The following LDLRAD3 variants were observed in gnomAD, a reference collection of about 807,000 sequenced individuals.
The protein encoded by LDLRAD3 is low density lipoprotein receptor class A domain containing 3, also known as low-density lipoprotein receptor class A domain-containing protein 3.
Under a neutral mutation model 29.4 loss-of-function variants are expected in LDLRAD3, and 20 were observed. That is an observed-to-expected ratio of 0.68 (90% CI 0.48 to 0.99). LDLRAD3 has a LOEUF of 0.99. Among genes scored for constraint, LDLRAD3 ranks in the 50% least tolerant of loss-of-function variants. The probability of loss-of-function intolerance (pLI) is 0.00; values close to 1 mark genes in which losing one functional copy is unlikely to be tolerated. For missense variants in LDLRAD3, 420 were observed against 454.3 expected (o/e 0.92, Z 0.69); for synonymous variants, 157 against 192.7 (o/e 0.81, Z 1.53).
intron 3 of LDLRAD3, among the ~76,000 whole-genome samples, chr11:36,096,897 T>TTAA (rs1175033149): frequency 1.3e-5 from 2 of 152,198 alleles, no homozygotes; most frequent in African/African-American, 4.8e-5. Flanking sequence ...TTGCCCAAGA[T>TTAA]TAATAAGTGG....
At chr11:36,217,311 C>T (rs1855366558) in intron 4 of LDLRAD3, among the ~76,000 whole-genome samples, 1 of 151,486 alleles carries the variant, frequency 6.6e-6, no homozygotes, top group Admixed American at 6.6e-5. Context: ...TGTGGTGAGC[C>T]CTGAGTGGGG....
At chr11:36,022,441 T>C (rs1309784131) in intron 1 of LDLRAD3, among the ~76,000 whole-genome samples, 1 of 152,182 alleles carries the variant, frequency 6.6e-6, no homozygotes, top group Non-Finnish European at 1.5e-5. Flanking sequence ...TTTTTTTTCT[T>C]TAAGAGGTTT....
chr11:36,141,060 C>T (rs1854079899), intron 4 of LDLRAD3, among the ~76,000 whole-genome samples: 1 of 131,528 alleles, frequency 7.6e-6, no homozygotes, highest in Non-Finnish European at 1.6e-5. Flanking sequence ...GCGTGTGTGT[C>T]TGTATTTTAA....
chr11:35,982,326 G>C (rs1851552188), intron 1 of LDLRAD3, among the ~76,000 whole-genome samples: 1 of 152,010 alleles, frequency 6.6e-6, no homozygotes, highest in African/African-American at 2.4e-5. Context: ...TTCTCTGTGT[G>C]TCTCCACATC....
intron 4 of LDLRAD3, among the ~76,000 whole-genome samples, chr11:36,182,027 C>T (rs1038178158): frequency 2.0e-5 from 3 of 152,172 alleles, no homozygotes; most frequent in Non-Finnish European, 2.9e-5. Context: ...TGCTAGGAAG[C>T]ATCTTATTGT....
chr11:35,986,964 A>G (rs1282874238), intron 1 of LDLRAD3, among the ~76,000 whole-genome samples: 1 of 152,214 alleles, frequency 6.6e-6, no homozygotes, highest in Non-Finnish European at 1.5e-5. Flanking sequence ...GATCTCTCAC[A>G]CCGGGCTGTC....
intron 4 of LDLRAD3, among the ~76,000 whole-genome samples, chr11:36,123,188 A>G (rs1853785581): frequency 6.6e-6 from 1 of 151,546 alleles, no homozygotes; most frequent in African/African-American, 2.4e-5. Context: ...CTCCGTCTCA[A>G]AATAATAATA....
chr11:35,999,474 G>A (rs1377382212), intron 1 of LDLRAD3, among the ~76,000 whole-genome samples: 1 of 152,160 alleles, frequency 6.6e-6, no homozygotes, highest in Admixed American at 6.5e-5. Flanking sequence ...AACCGAGCCT[G>A]CCCCTCCTCA....
At chr11:36,119,863 T>C (rs1853728252) in intron 4 of LDLRAD3, among the ~76,000 whole-genome samples, 1 of 152,236 alleles carries the variant, frequency 6.6e-6, no homozygotes, top group Non-Finnish European at 1.5e-5. Context: ...TTTGTTGTTA[T>C]TATTGCTTGT....
Position 36,066,195 on chromosome 11 carries a change from G to T in LDLRAD3, c.194-15458G>T, listed in dbSNP as rs191202444. Among the ~76,000 whole-genome samples the T allele has an allele frequency of 1.1e-4, 16 of 143,636 alleles. 1 individual carries two copies. The highest frequency in any genetic ancestry group is 9.1e-4 in the Admixed American group (13 of 14,236). 94.2% of individuals were successfully genotyped at this position (143,636 alleles called of 152,430 possible). A position where few individuals can be genotyped will look rare whatever the true frequency, so the allele number is the denominator to read the frequency against. ...TTTTTCTTACTTTTTTCTACTGCTT[G>T]TTAGGAGTCATCCCTTAGATATCAC... is the stretch of plus-strand genomic sequence containing the variant. On this transcript the variant is annotated intron_variant, in intron 2 of 5. Transcript: ENST00000315571.
intron 4 of LDLRAD3, among the ~76,000 whole-genome samples, chr11:36,220,748 T>C (rs1855415653): frequency 6.6e-6 from 1 of 152,090 alleles, no homozygotes. Flanking sequence ...GGGGAGAAGA[T>C]TGACCACAAG....
At chr11:36,142,291 G>C (rs79607412) in intron 4 of LDLRAD3, among the ~76,000 whole-genome samples, 2,682 of 152,280 alleles carry the variant, frequency 0.018, 94 homozygotes, top group African/African-American at 0.061. Context: ...CATCCCAGCT[G>C]TATTAAGTGA....
At chr11:36,189,719 C>G (rs888494635) in intron 4 of LDLRAD3, among the ~76,000 whole-genome samples, 4 of 151,814 alleles carry the variant, frequency 2.6e-5, no homozygotes, top group African/African-American at 9.7e-5. Context: ...CTAATGCTTT[C>G]CCTCCCCCCT....
intron 4 of LDLRAD3, among the ~76,000 whole-genome samples, chr11:36,178,584 C>A (rs1321510928): frequency 2.6e-5 from 4 of 152,000 alleles, no homozygotes; most frequent in Non-Finnish European, 5.9e-5. Context: ...GGACATATAC[C>A]CCACCTCTAT....
intron 4 of LDLRAD3, among the ~76,000 whole-genome samples, chr11:36,140,143 C>T (rs1391463781): frequency 1.3e-5 from 2 of 152,204 alleles, no homozygotes; most frequent in Non-Finnish European, 2.9e-5. Flanking sequence ...TTTGTTACCT[C>T]TGAATATGGC....
chr11:36,229,253 G>T lies in LDLRAD3; in HGVS notation c.894G>T (p.Gly298=), dbSNP rs940255862. 7 of 1,613,958 alleles carry T rather than the reference G, an allele frequency of 4.3e-6. No homozygotes were observed. The highest frequency in any genetic ancestry group is 1.7e-5 in the Admixed American group (1 of 59,992). The change falls in exon 6 of 6, where the codon GGG becomes GGT. Residue 298 remains glycine, a synonymous_variant. Transcript: ENST00000315571. ...TGCCCCCCTACCGCTCCCGGTCCGG[G>T]AGTGCCAACAGTGCCAGCTCCCAGG... The part of the protein sequence containing the change: ...ADLPPYRSRS[G]SANSASSQAA...
intron 4 of LDLRAD3, among the ~76,000 whole-genome samples, chr11:36,151,118 A>G (rs1419887413): frequency 6.6e-6 from 1 of 152,140 alleles, no homozygotes; most frequent in African/African-American, 2.4e-5. Context: ...CGCCCTCACC[A>G]GTCTAGCCAG....
At chr11:36,180,483 T>C (rs1005735652) in intron 4 of LDLRAD3, among the ~76,000 whole-genome samples, 15 of 152,180 alleles carry the variant, frequency 9.9e-5, no homozygotes, top group Middle Eastern at 3.4e-3. Flanking sequence ...AGGAAGGTGC[T>C]CAAGGAGGCC....
intron 4 of LDLRAD3, among the ~76,000 whole-genome samples, chr11:36,113,462 TAAG>T (rs1483421733): frequency 2.0e-5 from 3 of 150,528 alleles, no homozygotes; most frequent in Admixed American, 6.6e-5. Flanking sequence ...AAAAAGGAAA[TAAG>T]AAGGGGAGAC....
Sources: allele counts gnomAD v4.1 joint callset (sites outside exome capture counted in the v4.1 genomes callset), GRCh38; gene constraint gnomAD v4.1.1; transcripts MANE v1.5; gene names NCBI Gene and HGNC (gene_info 2026-07-23, HGNC 2026-07-21).